Variants in SLMAP observed in about 807,000 individuals in gnomAD.
SLMAP encodes the protein sarcolemma associated protein, also known as sarcolemmal membrane-associated protein.
A neutral mutation model predicts 128.8 loss-of-function variants in SLMAP; 44 were observed. The ratio of observed to expected loss-of-function variants is 0.34; its 90% CI spans 0.27 to 0.44. The LOEUF is 0.44. SLMAP is among the 20% of genes least tolerant of loss of function. The pLI is 1.00. For synonymous variants in SLMAP, 327 were observed against 348.8 expected, an observed-to-expected ratio of 0.94 and a Z score of 0.70; for missense variants, 787 against 985.3, an observed-to-expected ratio of 0.80 and a Z score of 2.69.
At chr3:57,868,795 A>AATATATATAT (rs3037511) in intron 13 of SLMAP, among the ~76,000 whole-genome samples, 26 of 124,676 alleles carry the variant, frequency 2.1e-4, no homozygotes, top group Middle Eastern at 3.8e-3. Context: ...GAACTAATGG[A>AATATATATAT]ATATATATAT....
intron 3 of SLMAP, among the ~76,000 whole-genome samples, chr3:57,832,426 T>C (rs921323570): frequency 3.3e-5 from 5 of 152,210 alleles, no homozygotes; most frequent in African/African-American, 4.8e-5. Context: ...TAAATGTAGA[T>C]TGATCTTTGT....
rs888546626 is a variant in SLMAP at position 57,929,701 on chromosome 3, A to G, written c.*2412A>G. 1.3e-5 allele frequency among the ~76,000 whole-genome samples: 2 copies of G among 152,174 alleles called. No individual in the cohort carries two copies. The highest frequency in any genetic ancestry group is 4.8e-5 in the African/African-American group (2 of 41,458). ...ATGGCAGGGTTAGAGAATAAAAAGA[A>G]CGTGGTGTTTGAAGCAAAACAGATC... On this transcript the variant is annotated 3_prime_UTR_variant, in exon 25 of 25. Transcript: ENST00000671191.
intron 3 of SLMAP, among the ~76,000 whole-genome samples, chr3:57,833,828 C>A (rs1041307736): frequency 2.0e-4 from 31 of 151,578 alleles, no homozygotes; most frequent in African/African-American, 7.5e-4. Flanking sequence ...AATGTTGTTT[C>A]TTTTGGTACT....
At chr3:57,789,736 A>G (rs2085030690) in intron 2 of SLMAP, among the ~76,000 whole-genome samples, 1 of 152,206 alleles carries the variant, frequency 6.6e-6, no homozygotes, top group Admixed American at 6.5e-5. Flanking sequence ...GAAATTCAGC[A>G]GCTATAGATG....
intron 2 of SLMAP, among the ~76,000 whole-genome samples, chr3:57,783,427 T>C (rs573629945): frequency 6.6e-6 from 1 of 152,210 alleles, no homozygotes; most frequent in African/African-American, 2.4e-5. Flanking sequence ...CCCTAGGTCT[T>C]TATGGAAGGC....
At chr3:57,767,217 C>T (rs2079921324) in intron 2 of SLMAP, among the ~76,000 whole-genome samples, 2 of 152,146 alleles carry the variant, frequency 1.3e-5, no homozygotes, top group South Asian at 2.1e-4. Context: ...CTGCACCCGG[C>T]CTGTATATAA....
chr3:57,919,609 A>G (rs1314841172), intron 22 of SLMAP, among the ~76,000 whole-genome samples: 3 of 151,928 alleles, frequency 2.0e-5, no homozygotes, highest in Admixed American at 6.6e-5. Flanking sequence ...AGCCTGATCA[A>G]CATGGAGAAA....
At chr3:57,830,206 C>T (rs2093244348) in intron 2 of SLMAP, among the ~76,000 whole-genome samples, 1 of 151,972 alleles carries the variant, frequency 6.6e-6, no homozygotes, top group Non-Finnish European at 1.5e-5. Context: ...CCATACACCA[C>T]CATGTTGGCG....
chr3:57,820,439 T>G (rs1033084135), intron 2 of SLMAP, among the ~76,000 whole-genome samples: 2 of 152,150 alleles, frequency 1.3e-5, no homozygotes, highest in Admixed American at 1.3e-4. Context: ...AGAATTTTCT[T>G]GTCAACCCAT....
intron 14 of SLMAP, among the ~76,000 whole-genome samples, chr3:57,884,233 C>T (rs576884225): frequency 2.6e-5 from 4 of 152,098 alleles, no homozygotes; most frequent in Non-Finnish European, 5.9e-5. Context: ...CAGGCTGATA[C>T]TTTGTATTCT....
chr3:57,808,191 T>A (rs1037427986), intron 2 of SLMAP, among the ~76,000 whole-genome samples: 5 of 152,130 alleles, frequency 3.3e-5, no homozygotes, highest in African/African-American at 9.7e-5. Flanking sequence ...ATTTTGTTAA[T>A]TTTTTCAAAA....
chr3:57,843,775 CTTTTTT>C (rs775541858), intron 4 of SLMAP, among the ~76,000 whole-genome samples: 2 of 77,140 alleles, frequency 2.6e-5, no homozygotes, highest in Admixed American at 1.9e-4. Context: ...TCTTTTCTTT[CTTTTTT>C]TTTTTTTTTT....
intron 21 of SLMAP, among the ~76,000 whole-genome samples, chr3:57,914,349 A>G (rs1320679938): frequency 1.3e-5 from 2 of 152,188 alleles, no homozygotes; most frequent in East Asian, 1.9e-4. Context: ...AGCCATGATC[A>G]CACCACTGTA....
chr3:57,789,589 A>G (rs7644736), intron 2 of SLMAP, among the ~76,000 whole-genome samples: 46,617 of 151,940 alleles, frequency 0.31, 7,472 homozygotes, highest in East Asian at 0.48. Context: ...GGATTTTACA[A>G]GGAAGTACAC....
chr3:57,849,867 T>A, intron 6 of SLMAP, 51 bp downstream of exon 6: 1 of 1,015,202 alleles, frequency 9.9e-7, no homozygotes, highest in Non-Finnish European at 1.6e-6. Flanking sequence ...TTTAAACTTT[T>A]AAAAGTTCTT....
intron 18 of SLMAP, among the ~76,000 whole-genome samples, chr3:57,908,509 A>G (rs180898957): frequency 6.6e-6 from 1 of 152,178 alleles, no homozygotes; most frequent in Non-Finnish European, 1.5e-5. Context: ...TGGAGCCCTC[A>G]TGTTCTCCAA....
intron 2 of SLMAP, among the ~76,000 whole-genome samples, chr3:57,809,525 C>G (rs1413945514): frequency 6.6e-6 from 1 of 152,192 alleles, no homozygotes. Flanking sequence ...CCCTTGGCAC[C>G]TACAGCCTGG....
chr3:57,762,342 C>G (rs1278606920), intron 2 of SLMAP, among the ~76,000 whole-genome samples: 1 of 150,744 alleles, frequency 6.6e-6, no homozygotes, highest in East Asian at 1.9e-4. Flanking sequence ...GCACTCCAGC[C>G]TGGGTGACAA....
chr3:57,864,140 G>T (rs1300562351), intron 10 of SLMAP, among the ~76,000 whole-genome samples: 4 of 152,190 alleles, frequency 2.6e-5, no homozygotes, highest in Non-Finnish European at 5.9e-5. Flanking sequence ...GGGCGCAGTG[G>T]CTCATGCCTG....
Sources: gnomAD v4.1 joint callset for allele counts (sites outside exome capture counted in the v4.1 genomes callset) on GRCh38, gnomAD v4.1.1 for gene constraint, MANE v1.5 for transcripts, NCBI Gene and HGNC (gene_info 2026-07-23, HGNC 2026-07-21) for gene names.